Variants in RPS6KA6 observed in about 807,000 individuals in gnomAD.
The protein encoded by RPS6KA6 is ribosomal protein S6 kinase alpha-6.
In RPS6KA6, 27 loss-of-function variants were observed where a neutral mutation model predicts 65.4. The observed-to-expected ratio is 0.41, with a 90% CI of 0.30 to 0.57. RPS6KA6 has a LOEUF of 0.57. Ranked by LOEUF, RPS6KA6 falls within the 20% of genes least tolerant of loss-of-function variation. RPS6KA6 has a pLI of 0.24. For synonymous variants in RPS6KA6, 190 were observed against 184.2 expected, an observed-to-expected ratio of 1.03 and a Z score of -0.26; for missense variants, 486 against 555.6, an observed-to-expected ratio of 0.87 and a Z score of 1.26.
At chrX:84,093,113 T>C (rs773032963) in intron 20 of RPS6KA6, among the ~76,000 whole-genome samples, 1 of 112,238 alleles carries the variant, frequency 8.9e-6, no homozygotes, top group African/African-American at 3.2e-5. Context: ...ATGTCACTTA[T>C]ATGTGGAATC....
chrX:84,144,351 A>T (rs928114355), intron 6 of RPS6KA6, among the ~76,000 whole-genome samples: 5 of 91,208 alleles, frequency 5.5e-5, no homozygotes, highest in Admixed American at 1.2e-4. Context: ...ACAATCCAAT[A>T]AAAAAAAACA....
chrX:84,147,928 A>G lies in RPS6KA6; in HGVS notation c.340+114T>C, dbSNP rs777904650. 4.9e-4 allele frequency: 203 copies of G among 410,724 alleles called. 1 individual carries two copies. Among genetic ancestry groups the G allele is most frequent in the Non-Finnish European group, 7.6e-4 (186 of 245,358 alleles). The allele number at this position is 410,724 out of a possible 1,213,427, so 33.8% of individuals were successfully genotyped here. On this transcript the variant is annotated intron_variant, in intron 4 of 21. Transcript: ENST00000262752. ...ACCTACAGGTTAGAAAAACTGCCAC[A>G]AATACCAATGTTAAAAATAGCTACA...
intron 3 of RPS6KA6, among the ~76,000 whole-genome samples, chrX:84,155,101 C>T (rs1407738031): frequency 9.1e-6 from 1 of 110,031 alleles, no homozygotes; most frequent in Non-Finnish European, 1.9e-5. Flanking sequence ...CCTTGAGAAG[C>T]TGGGGATGAA....
At chrX:84,112,712 A>T (rs780841993) in intron 12 of RPS6KA6, among the ~76,000 whole-genome samples, 13 of 112,189 alleles carry the variant, frequency 1.2e-4, no homozygotes, top group Non-Finnish European at 2.3e-4. Flanking sequence ...TAAATCAAAA[A>T]CACAGAAAGA....
At chrX:84,073,863 CA>C (rs1569368859) in intron 20 of RPS6KA6, among the ~76,000 whole-genome samples, 2 of 109,858 alleles carry the variant, frequency 1.8e-5, no homozygotes, top group Non-Finnish European at 3.8e-5. Context: ...ATGGCTAGTA[CA>C]AAAATGACAA....
intron 1 of RPS6KA6, among the ~76,000 whole-genome samples, chrX:84,166,845 T>G (rs867073908): frequency 1.8e-5 from 2 of 111,528 alleles, no homozygotes; most frequent in Non-Finnish European, 1.9e-5. Context: ...ACTGTTGTGA[T>G]AGTTGTACAT....
chrX:84,174,914 A>T (rs1266508369), intron 1 of RPS6KA6, among the ~76,000 whole-genome samples: 1 of 111,879 alleles, frequency 8.9e-6, no homozygotes, highest in Non-Finnish European at 1.9e-5. Flanking sequence ...GATCTAAATG[A>T]ATAAAATTTA....
chrX:84,176,170 G>A (rs969580797), intron 1 of RPS6KA6, among the ~76,000 whole-genome samples: 1 of 111,754 alleles, frequency 8.9e-6, no homozygotes, highest in African/African-American at 3.2e-5. Flanking sequence ...TTCTATTCAG[G>A]CAGGAATTTG....
rs752800479 is a variant in RPS6KA6 at position 84,064,543 on chromosome X, A to G, written c.2113-141T>C. On this transcript the variant is annotated intron_variant, in intron 21 of 21. Transcript: ENST00000262752. The stretch of plus-strand genomic sequence containing the variant: ...ATAATTGAATATATTAGATCTGTGC[A>G]CTGATGAATCAATATTACTTGTATG... The G allele has an allele frequency of 4.3e-5, 22 of 516,982 alleles. No homozygotes were observed. In the African/African-American group the frequency reaches 5.2e-4, roughly 12 times the overall value. 42.6% of individuals were successfully genotyped at this position (516,982 alleles called of 1,213,427 possible).
At chrX:84,092,465 T>C (rs1270850753) in intron 20 of RPS6KA6, among the ~76,000 whole-genome samples, 1 of 109,270 alleles carries the variant, frequency 9.2e-6, no homozygotes, top group Non-Finnish European at 1.9e-5. Flanking sequence ...CTACTGAATA[T>C]ACAAAAATTA....
intron 20 of RPS6KA6, among the ~76,000 whole-genome samples, chrX:84,083,635 G>A (rs989762168): frequency 8.9e-6 from 1 of 112,155 alleles, no homozygotes; most frequent in Non-Finnish European, 1.9e-5. Flanking sequence ...TGGGCATGTG[G>A]GTTGATTCCA....
chrX:84,109,203 T>G (rs1168416734), intron 12 of RPS6KA6, among the ~76,000 whole-genome samples: 1 of 112,146 alleles, frequency 8.9e-6, no homozygotes, highest in African/African-American at 3.2e-5. Flanking sequence ...CTTCATTGCT[T>G]CAGCTGAAGG....
chrX:84,149,341 T>C (rs1372119260), intron 3 of RPS6KA6, among the ~76,000 whole-genome samples: 1 of 112,166 alleles, frequency 8.9e-6, no homozygotes, highest in Non-Finnish European at 1.9e-5. Context: ...CTCCCATGAA[T>C]CACAAATGTT....
At chrX:84,114,526 A>T (rs2034529308) in intron 12 of RPS6KA6, among the ~76,000 whole-genome samples, 2 of 111,009 alleles carry the variant, frequency 1.8e-5, no homozygotes, top group African/African-American at 6.6e-5. Context: ...AAAAAAAAAC[A>T]TACTGACCAA....
At chrX:84,071,709 A>T (rs772865858) in intron 20 of RPS6KA6, among the ~76,000 whole-genome samples, 1 of 111,924 alleles carries the variant, frequency 8.9e-6, no homozygotes, top group Admixed American at 9.5e-5. Flanking sequence ...TGGGACTAAG[A>T]TAAAAGAGAG....
chrX:84,187,961 G>T lies in RPS6KA6; in HGVS notation c.-62C>A. The T allele has an allele frequency of 9.8e-7, 1 of 1,022,898 alleles. No homozygotes were observed. The highest frequency in any genetic ancestry group is 1.3e-6 in the Non-Finnish European group (1 of 759,118). The allele number at this position is 1,022,898 out of a possible 1,213,427, so 84.3% of individuals were successfully genotyped here. On this transcript the variant is annotated 5_prime_UTR_variant, in exon 1 of 22. Coordinates refer to ENST00000262752, the MANE Select transcript of RPS6KA6 (RefSeq NM_014496.5). The stretch of plus-strand genomic sequence containing the variant: ...TACCGCTGGCGCGGCCGCGCATCCT[G>T]TCTATTGAACTGGCCCGCCGCCGCC...
chrX:84,066,919 C>T (rs1447643691), intron 20 of RPS6KA6, among the ~76,000 whole-genome samples: 1 of 111,613 alleles, frequency 9.0e-6, no homozygotes, highest in Non-Finnish European at 1.9e-5. Flanking sequence ...GGAGCTTCCA[C>T]AGGAAGGAGT....
At chrX:84,098,271 CT>C (rs2034195086) in intron 18 of RPS6KA6, among the ~76,000 whole-genome samples, 1 of 111,031 alleles carries the variant, frequency 9.0e-6, no homozygotes, top group Non-Finnish European at 1.9e-5. Flanking sequence ...TGATAACTGC[CT>C]CTTTACTACA....
chrX:84,076,477 A>G (rs983409477), intron 20 of RPS6KA6, among the ~76,000 whole-genome samples: 2 of 112,083 alleles, frequency 1.8e-5, no homozygotes, highest in Non-Finnish European at 3.8e-5. Flanking sequence ...ACCTGGGAAT[A>G]GAAGGTTGGC....
Sources: gnomAD v4.1 joint callset for allele counts (sites outside exome capture counted in the v4.1 genomes callset) on GRCh38, gnomAD v4.1.1 for gene constraint, MANE v1.5 for transcripts, NCBI Gene and HGNC (gene_info 2026-07-23, HGNC 2026-07-21) for gene names.